Variants in ZSCAN5A observed in about 807,000 individuals in gnomAD.
ZSCAN5A encodes the protein zinc finger and SCAN domain containing 5A, also known as zinc finger and SCAN domain-containing protein 5A.
Under a neutral mutation model 23.7 loss-of-function variants are expected in ZSCAN5A, and 12 were observed. The observed-to-expected ratio is 0.51, with a 90% CI of 0.32 to 0.82. The LOEUF (loss-of-function observed/expected upper bound fraction) is 0.82, where lower values mean the gene tolerates loss of function less well. Among genes scored for constraint, ZSCAN5A ranks in the 40% least tolerant of loss-of-function variants. ZSCAN5A has a pLI of 0.03. For missense variants in ZSCAN5A, 597 were observed against 617.9 expected, an observed-to-expected ratio of 0.97 and a Z score of 0.36; for synonymous variants, 257 against 239.9, an observed-to-expected ratio of 1.07 and a Z score of -0.66.
intron 2 of ZSCAN5A, among the ~76,000 whole-genome samples, chr19:56,285,823 T>C (rs1413936288): frequency 1.3e-5 from 2 of 152,192 alleles, no homozygotes; most frequent in African/African-American, 4.8e-5. Flanking sequence ...AACAGCGCTA[T>C]AATGGAAATC....
At chr19:56,232,500 G>GA (rs111369454) in intron 2 of ZSCAN5A, among the ~76,000 whole-genome samples, 12 of 149,668 alleles carry the variant, frequency 8.0e-5, no homozygotes, top group South Asian at 2.1e-4. Context: ...ATAAGACCAT[G>GA]AAAAAAAAAG....
intron 2 of ZSCAN5A, among the ~76,000 whole-genome samples, chr19:56,237,974 GACAC>G (rs1396666455): frequency 2.2e-5 from 2 of 89,076 alleles, no homozygotes; most frequent in African/African-American, 1.1e-4. Flanking sequence ...CAGACACACG[GACAC>G]ACACACATAC....
intron 2 of ZSCAN5A, among the ~76,000 whole-genome samples, chr19:56,270,111 C>T (rs553880023): frequency 6.7e-6 from 1 of 149,430 alleles, no homozygotes; most frequent in Non-Finnish European, 1.5e-5. Context: ...CCCTGCTCCA[C>T]ATAGACATGA....
chr19:56,250,967 A>G (rs1391292374), intron 2 of ZSCAN5A, among the ~76,000 whole-genome samples: 1 of 152,080 alleles, frequency 6.6e-6, no homozygotes, highest in East Asian at 1.9e-4. Context: ...TGGCTAACAC[A>G]GTGAAATCCT....
intron 2 of ZSCAN5A, among the ~76,000 whole-genome samples, chr19:56,272,608 G>C (rs1381797812): frequency 6.6e-6 from 1 of 152,210 alleles, no homozygotes; most frequent in African/African-American, 2.4e-5. Flanking sequence ...ATCACACTCA[G>C]CATGAAACTG....
At chr19:56,317,999 A>C (rs2041335228), upstream of ZSCAN5A, 1 of 152,184 alleles carries the variant, frequency 6.6e-6, no homozygotes, top group African/African-American at 2.4e-5. Flanking sequence ...GCATTGTTTT[A>C]TATCTGAAAT....
At chr19:56,231,996 C>CCTTTTTTTTTT (rs1555793336) in intron 2 of ZSCAN5A, among the ~76,000 whole-genome samples, 1 of 124,976 alleles carries the variant, frequency 8.0e-6, no homozygotes. Context: ...TTTTTCTTTT[C>CCTTTTTTTTTT]TTTTTTTTTG....
At chr19:56,311,309 T>C (rs1384666770) in intron 2 of ZSCAN5A, among the ~76,000 whole-genome samples, 1 of 152,228 alleles carries the variant, frequency 6.6e-6, no homozygotes, top group African/African-American at 2.4e-5. Flanking sequence ...TATCACATCT[T>C]TCCCACTGAA....
At chr19:56,361,038 A>C (rs2147468858) in intron 2 of ZSCAN5A, among the ~76,000 whole-genome samples, 1 of 152,364 alleles carries the variant, frequency 6.6e-6, no homozygotes, top group Non-Finnish European at 1.5e-5. Flanking sequence ...ATGAACAGAC[A>C]CTTCTTAGAA....
intron 2 of ZSCAN5A, among the ~76,000 whole-genome samples, chr19:56,362,596 G>A (rs1165217271): frequency 3.3e-5 from 5 of 151,836 alleles, no homozygotes; most frequent in African/African-American, 4.8e-5. Flanking sequence ...ATGGCCGGAC[G>A]CGGTGGCTCA....
chr19:56,227,119 A>G (rs1363484763), intron 2 of ZSCAN5A, among the ~76,000 whole-genome samples: 1 of 152,322 alleles, frequency 6.6e-6, no homozygotes, highest in East Asian at 1.9e-4. Context: ...ACTTCAGTTC[A>G]TAACAATGTA....
chr19:56,336,104 G>A (rs1278355664), intron 2 of ZSCAN5A, among the ~76,000 whole-genome samples: 3 of 152,192 alleles, frequency 2.0e-5, no homozygotes, highest in African/African-American at 4.8e-5. Context: ...GGCATTCTCT[G>A]TATTTCCTGA....
intron 2 of ZSCAN5A, among the ~76,000 whole-genome samples, chr19:56,261,556 C>T (rs1362412461): frequency 6.6e-6 from 1 of 152,036 alleles, no homozygotes; most frequent in East Asian, 1.9e-4. Context: ...CAGATAGCTG[C>T]CTGACTTGAA....
intron 2 of ZSCAN5A, among the ~76,000 whole-genome samples, chr19:56,247,984 C>T (rs2036070755): frequency 6.6e-6 from 1 of 152,218 alleles, no homozygotes; most frequent in Non-Finnish European, 1.5e-5. Context: ...GCCACCGCAC[C>T]TGGCCTGTTC....
intron 2 of ZSCAN5A, among the ~76,000 whole-genome samples, chr19:56,271,140 C>G (rs893136922): frequency 6.6e-6 from 1 of 152,168 alleles, no homozygotes; most frequent in African/African-American, 2.4e-5. Context: ...GATGGAAAAT[C>G]GAAACGTAGG....
intron 2 of ZSCAN5A, among the ~76,000 whole-genome samples, chr19:56,273,724 G>A (rs531563155): frequency 6.6e-6 from 1 of 152,150 alleles, no homozygotes; most frequent in African/African-American, 2.4e-5. Context: ...TGGTGAGACT[G>A]TTACAAGTAA....
At chr19:56,314,544 T>G (rs756327855) in intron 1 of ZSCAN5A, 137 bp downstream of exon 1, 1 of 152,176 alleles carries the variant, frequency 6.6e-6, no homozygotes, top group African/African-American at 2.4e-5. Flanking sequence ...ATCCCCGGGC[T>G]CGGTCCTCCC....
chr19:56,330,313 T>C lies in ZSCAN5A; in HGVS notation c.-357-14045A>G, dbSNP rs2041477955. Among the ~76,000 whole-genome samples, 3 of 152,214 alleles carry C rather than the reference T, an allele frequency of 2.0e-5. No individual in the cohort carries two copies. In the South Asian group the frequency reaches 6.2e-4, roughly 32 times the overall value. ...TGAACATATGGGTGCATGTGTCTTT[T>C]TGGTACAAAAATTTATTTTCTTTTG... On this transcript the variant is annotated intron_variant, in intron 2 of 6. Coordinates refer to the ZSCAN5A transcript ENST00000587340.
intron 2 of ZSCAN5A, among the ~76,000 whole-genome samples, chr19:56,240,652 A>T (rs898978402): frequency 6.6e-6 from 1 of 151,978 alleles, no homozygotes; most frequent in Non-Finnish European, 1.5e-5. Context: ...TTGTGAAAGC[A>T]TCGGGTCTCC....
Sources: allele counts gnomAD v4.1 joint callset (sites outside exome capture counted in the v4.1 genomes callset), GRCh38; gene constraint gnomAD v4.1.1; transcripts MANE v1.5; gene names NCBI Gene and HGNC (gene_info 2026-07-23, HGNC 2026-07-21).